THSD7A: variants seen among roughly 807,000 people sequenced by gnomAD.
THSD7A encodes thrombospondin type 1 domain containing 7A.
THSD7A carries 96 observed loss-of-function variants against 231.3 expected under a neutral mutation model. The ratio of observed to expected loss-of-function variants is 0.41; its 90% confidence interval spans 0.35 to 0.49. The LOEUF is 0.49. Among genes scored for constraint, THSD7A ranks in the 20% least tolerant of loss-of-function variants. The pLI is 0.05. For missense variants in THSD7A, 2,290 were observed against 2,070.2 expected, an observed-to-expected ratio of 1.11 and a Z score of -2.06; for synonymous variants, 940 against 743.3, an observed-to-expected ratio of 1.26 and a Z score of -4.30.
At chr7:11,674,697 C>G (rs1253749816) in intron 1 of THSD7A, among the ~76,000 whole-genome samples, 3 of 152,078 alleles carry the variant, frequency 2.0e-5, no homozygotes, top group African/African-American at 7.2e-5. Context: ...AAGCAAGAAG[C>G]ATTAGCTCTC....
chr7:11,790,011 A>C (rs1323759687), intron 1 of THSD7A, among the ~76,000 whole-genome samples: 1 of 151,996 alleles, frequency 6.6e-6, no homozygotes, highest in East Asian at 1.9e-4. Flanking sequence ...TTCACAGTAA[A>C]ATATTTGCAC....
chr7:11,571,555 C>A (rs1195712460), intron 4 of THSD7A, among the ~76,000 whole-genome samples: 3 of 152,268 alleles, frequency 2.0e-5, no homozygotes, highest in African/African-American at 7.2e-5. Flanking sequence ...AGTTAAGTAA[C>A]CTGTCCAAGA....
intron 1 of THSD7A, among the ~76,000 whole-genome samples, chr7:11,735,555 T>G (rs1781887738): frequency 7.1e-6 from 1 of 140,960 alleles, no homozygotes. Flanking sequence ...GAAATCTCAT[T>G]ATGTATATGT....
At chr7:11,568,346 G>C (rs1161108233) in intron 4 of THSD7A, among the ~76,000 whole-genome samples, 1 of 152,036 alleles carries the variant, frequency 6.6e-6, no homozygotes, top group African/African-American at 2.4e-5. Flanking sequence ...ACTTAAAATG[G>C]AATGAGTTTC....
chr7:11,546,202 G>GCGCACGCGCACACACA (rs761841418), intron 4 of THSD7A, among the ~76,000 whole-genome samples: 1 of 129,374 alleles, frequency 7.7e-6, no homozygotes, highest in Non-Finnish European at 1.7e-5. Flanking sequence ...GTGGGCGCGC[G>GCGCACGCGCACACACA]CTCACACACA....
chr7:11,711,512 T>C (rs1780964904), intron 1 of THSD7A, among the ~76,000 whole-genome samples: 1 of 151,098 alleles, frequency 6.6e-6, no homozygotes, highest in Non-Finnish European at 1.5e-5. Context: ...ACACTTGCAA[T>C]TTTATGTATT....
chr7:11,773,929 A>G (rs1783318690), intron 1 of THSD7A, among the ~76,000 whole-genome samples: 1 of 152,230 alleles, frequency 6.6e-6, no homozygotes, highest in African/African-American at 2.4e-5. Flanking sequence ...TTACAGAAAT[A>G]CACACACAGA....
intron 4 of THSD7A, among the ~76,000 whole-genome samples, chr7:11,558,189 T>C (rs1422268227): frequency 2.0e-5 from 3 of 152,146 alleles, no homozygotes; most frequent in Non-Finnish European, 4.4e-5. Flanking sequence ...CCTTGACATA[T>C]CTAGCTTATC....
At chr7:11,619,195 A>C (rs1454771504) in intron 2 of THSD7A, among the ~76,000 whole-genome samples, 3 of 152,080 alleles carry the variant, frequency 2.0e-5, no homozygotes, top group African/African-American at 7.2e-5. Context: ...CTGGATTTTC[A>C]AAGCTTTCAG....
intron 6 of THSD7A, among the ~76,000 whole-genome samples, chr7:11,518,061 AC>A (rs1328111031): frequency 2.0e-5 from 3 of 152,092 alleles, no homozygotes; most frequent in African/African-American, 7.2e-5. Flanking sequence ...TGGATGGTTG[AC>A]CCTGCCCACC....
At chr7:11,654,985 T>C (rs1338666678) in intron 1 of THSD7A, among the ~76,000 whole-genome samples, 1 of 151,880 alleles carries the variant, frequency 6.6e-6, no homozygotes, top group African/African-American at 2.4e-5. Flanking sequence ...GTCTTGATGA[T>C]GAATAGTGCA....
chr7:11,573,947 A>T (rs954442047), intron 4 of THSD7A, among the ~76,000 whole-genome samples: 1 of 152,206 alleles, frequency 6.6e-6, no homozygotes, highest in African/African-American at 2.4e-5. Flanking sequence ...ATTCAAGATC[A>T]TGGAGCTCCT....
chr7:11,741,128 C>T (rs1247923301), intron 1 of THSD7A, among the ~76,000 whole-genome samples: 8 of 151,906 alleles, frequency 5.3e-5, no homozygotes, highest in Admixed American at 6.6e-5. Context: ...TTAATAATTA[C>T]ACTAATACAC....
At chr7:11,512,003 C>G (rs1477038057) in intron 6 of THSD7A, among the ~76,000 whole-genome samples, 3 of 152,180 alleles carry the variant, frequency 2.0e-5, no homozygotes, top group African/African-American at 7.2e-5. Flanking sequence ...AGGCAACCTA[C>G]AGAATGGGAG....
chr7:11,406,164 T>C lies in THSD7A; in HGVS notation c.4237+136A>G, dbSNP rs919771780. 4 of 893,770 alleles carry C rather than the reference T, an allele frequency of 4.5e-6. No homozygotes were observed. The African/African-American group carries it at 5.0e-5, about 11-fold the overall frequency. 55.4% of individuals were successfully genotyped at this position (893,770 alleles called of 1,614,324 possible). A position where few individuals can be genotyped will look rare whatever the true frequency, so the allele number is the denominator to read the frequency against. On this transcript the variant is annotated intron_variant, in intron 22 of 27. Transcript: ENST00000423059. This position sits in a 1 kb window ranked among gnomAD's most constrained non-coding sequence, Gnocchi z 4.7. ...CGTCCCGTTCCCCACAGGCATAGTG[T>C]TGAGCTGTTGGCATAGATATTACTG...
intron 1 of THSD7A, among the ~76,000 whole-genome samples, chr7:11,654,807 TATAAC>T (rs1584155007): frequency 1.3e-5 from 2 of 152,050 alleles, no homozygotes; most frequent in Non-Finnish European, 1.5e-5. Context: ...CATTTTAAAA[TATAAC>T]ATATATCTAC....
At chr7:11,546,200 GCGCT>G (rs1562706112) in intron 4 of THSD7A, among the ~76,000 whole-genome samples, 42 of 40,874 alleles carry the variant, frequency 1.0e-3, no homozygotes, top group African/African-American at 4.4e-3. Context: ...GTGTGGGCGC[GCGCT>G]CACACACACA....
At chr7:11,476,306 G>A (rs932116980) in intron 7 of THSD7A, among the ~76,000 whole-genome samples, 1 of 138,588 alleles carries the variant, frequency 7.2e-6, no homozygotes, top group Admixed American at 7.5e-5. Context: ...CAGAAGTCAA[G>A]CCTCTGGAAG....
chr7:11,743,489 T>A (rs1782177714), intron 1 of THSD7A, among the ~76,000 whole-genome samples: 1 of 151,958 alleles, frequency 6.6e-6, no homozygotes, highest in Non-Finnish European at 1.5e-5. Flanking sequence ...AATATTCCCC[T>A]CTTTTTTGTA....
Sources: allele counts gnomAD v4.1 joint callset (sites outside exome capture counted in the v4.1 genomes callset), GRCh38; gene constraint gnomAD v4.1.1; non-coding constraint Gnocchi (gnomAD v3.1); transcripts MANE v1.5; gene names NCBI Gene and HGNC (gene_info 2026-07-23, HGNC 2026-07-21).